The following ERC1 variants were observed in gnomAD, a reference collection of about 807,000 sequenced individuals.
ERC1 encodes ELKS/RAB6-interacting/CAST family member 1.
In ERC1, 56 loss-of-function variants were observed where a neutral mutation model predicts 132.0. The ratio of observed to expected loss-of-function variants is 0.42; its 90% confidence interval spans 0.34 to 0.53. The LOEUF is 0.53. Among genes scored for constraint, ERC1 ranks in the 20% least tolerant of loss-of-function variants. The pLI, the probability that ERC1 is intolerant of heterozygous loss-of-function variation, is 0.03. For missense variants in ERC1, 1,202 were observed against 1,349.9 expected, an observed-to-expected ratio of 0.89 and a Z score of 1.72; for synonymous variants, 478 against 476.1, an observed-to-expected ratio of 1.00 and a Z score of -0.05.
At chr12:1,475,776 G>A (rs1418150545) in intron 18 of ERC1, among the ~76,000 whole-genome samples, 2 of 152,162 alleles carry the variant, frequency 1.3e-5, no homozygotes, top group Non-Finnish European at 2.9e-5. Context: ...TAGTTATGAA[G>A]CTATTGCAAG....
chr12:1,443,048 C>T (rs1163089479), intron 17 of ERC1, among the ~76,000 whole-genome samples: 1 of 134,846 alleles, frequency 7.4e-6, no homozygotes, highest in Non-Finnish European at 1.5e-5. Context: ...GCTGGGACTA[C>T]AGGCACCCGC....
chr12:1,163,476 T>G (rs1952065875), intron 8 of ERC1, among the ~76,000 whole-genome samples: 1 of 152,222 alleles, frequency 6.6e-6, no homozygotes, highest in Non-Finnish European at 1.5e-5. Flanking sequence ...TCTAGCAAAC[T>G]CTATTGCTGC....
At chr12:1,435,671 TCTC>T (rs1190956943) in intron 17 of ERC1, among the ~76,000 whole-genome samples, 1 of 152,202 alleles carries the variant, frequency 6.6e-6, no homozygotes, top group African/African-American at 2.4e-5. Context: ...TGCTCAGATC[TCTC>T]CTCCCATCTG....
Position 1,402,522 on chromosome 12 carries a change from C to CA in ERC1, c.2926-5619dup, listed in dbSNP as rs201054465. On this transcript the variant is annotated intron_variant, in intron 16 of 18. Transcript: ENST00000360905. ...TGGGTGACAGAGAGAGAGACTGTCTCAAAAAAAAGAAAGAGAAAGAAAAAA... is the reference window on the plus strand; with the variant it reads ...TGGGTGACAGAGAGAGAGACTGTCTCAAAAAAAAAGAAAGAGAAAGAAAAAA... 5.9e-3 allele frequency among the ~76,000 whole-genome samples: 881 copies of CA among 148,540 alleles called. 12 individuals are homozygous for CA. Among genetic ancestry groups the CA allele is most frequent in the African/African-American group, 0.02 (797 of 40,338 alleles).
chr12:1,147,756 G>T (rs1049784990), intron 8 of ERC1, among the ~76,000 whole-genome samples: 1 of 152,120 alleles, frequency 6.6e-6, no homozygotes, highest in African/African-American at 2.4e-5. Flanking sequence ...TTAATTATTT[G>T]ATTTCATACA....
At chr12:1,402,870 A>G (rs2091193457) in intron 16 of ERC1, among the ~76,000 whole-genome samples, 1 of 152,230 alleles carries the variant, frequency 6.6e-6, no homozygotes, top group South Asian at 2.1e-4. Context: ...AGAATTAATT[A>G]GTCTGCTTTT....
At chr12:1,486,202 T>TA (rs2154433720) in intron 18 of ERC1, among the ~76,000 whole-genome samples, 1 of 152,382 alleles carries the variant, frequency 6.6e-6, no homozygotes, top group South Asian at 2.1e-4. Context: ...GTATAAATGT[T>TA]AGACTCCATT....
chr12:1,425,510 A>C (rs1313360720), intron 17 of ERC1, among the ~76,000 whole-genome samples: 1 of 152,338 alleles, frequency 6.6e-6, no homozygotes, highest in Admixed American at 6.5e-5. Context: ...CTTTCCTCAT[A>C]GCAAGGACTG....
At chr12:1,146,132 A>G (rs1449340931) in intron 8 of ERC1, among the ~76,000 whole-genome samples, 2 of 151,908 alleles carry the variant, frequency 1.3e-5, no homozygotes, top group Non-Finnish European at 2.9e-5. Context: ...TTTGATGGCA[A>G]TTTCATTGAG....
At chr12:1,433,920 A>G (rs1274546584) in intron 17 of ERC1, among the ~76,000 whole-genome samples, 1 of 148,804 alleles carries the variant, frequency 6.7e-6, no homozygotes, top group Non-Finnish European at 1.5e-5. Flanking sequence ...GCTGCAATGC[A>G]GTGAGCTGTG....
chr12:995,593 C>G (rs1029871379), intron 1 of ERC1, among the ~76,000 whole-genome samples: 2 of 152,070 alleles, frequency 1.3e-5, no homozygotes. Flanking sequence ...TTTTCAGCTT[C>G]TTTGTAGTAT....
At chr12:1,049,318 A>G (rs1365159101) in intron 2 of ERC1, among the ~76,000 whole-genome samples, 1 of 152,220 alleles carries the variant, frequency 6.6e-6, no homozygotes, top group Non-Finnish European at 1.5e-5. Flanking sequence ...GATCATCTCT[A>G]AATCTCTCTT....
At position 1,165,681 on chromosome 12, in the gene ERC1, G is replaced by A. The variant is rs114947879; in HGVS notation, c.1738-14859G>A. 6.8e-4 allele frequency among the ~76,000 whole-genome samples: 104 copies of A among 152,274 alleles called. 1 individual carries two copies. Among genetic ancestry groups the A allele is most frequent in the African/African-American group, 2.3e-3 (97 of 41,568 alleles). ...GAAATAAACATGGCTAAACTGTTTT[G>A]TGTTATTTGAGGGGGATAAAGCAAG... On this transcript the variant is annotated intron_variant, in intron 8 of 18. Transcript: ENST00000360905.
chr12:1,428,703 G>A (rs371524741), intron 17 of ERC1, among the ~76,000 whole-genome samples: 1 of 152,312 alleles, frequency 6.6e-6, no homozygotes, highest in East Asian at 1.9e-4. Flanking sequence ...GGACCCCGCA[G>A]TACTGCTTTC....
chr12:1,076,776 T>G (rs1279384459), intron 2 of ERC1, among the ~76,000 whole-genome samples: 5 of 152,206 alleles, frequency 3.3e-5, no homozygotes, highest in Non-Finnish European at 4.4e-5. Flanking sequence ...CAGTAGCCAT[T>G]TACTTTCAAC....
chr12:1,080,626 TAGTG>T (rs1174081504), intron 2 of ERC1, among the ~76,000 whole-genome samples: 42 of 152,306 alleles, frequency 2.8e-4, no homozygotes, highest in Non-Finnish European at 4.1e-4. Flanking sequence ...ATTCTCGTGA[TAGTG>T]AGTAAGTCTC....
intron 12 of ERC1, among the ~76,000 whole-genome samples, chr12:1,211,161 A>ATT (rs931723923): frequency 1.1e-4 from 17 of 151,984 alleles, no homozygotes; most frequent in African/African-American, 1.9e-4. Flanking sequence ...ATATATATAT[A>ATT]TTTTGAGACA....
chr12:1,282,304 C>A (rs2078734180), intron 14 of ERC1, among the ~76,000 whole-genome samples: 1 of 152,096 alleles, frequency 6.6e-6, no homozygotes, highest in Non-Finnish European at 1.5e-5. Context: ...AACCCACTAA[C>A]CCTGTTTCTT....
At chr12:1,239,155 G>A (rs183917361) in intron 13 of ERC1, among the ~76,000 whole-genome samples, 33 of 152,254 alleles carry the variant, frequency 2.2e-4, no homozygotes, top group Admixed American at 8.5e-4. Context: ...CTGTCACCTA[G>A]GCCGGAGTGC....
Sources: gnomAD v4.1 joint callset for allele counts (sites outside exome capture counted in the v4.1 genomes callset) on GRCh38, gnomAD v4.1.1 for gene constraint, MANE v1.5 for transcripts, NCBI Gene and HGNC (gene_info 2026-07-23, HGNC 2026-07-21) for gene names.